The following SNX6 variants were observed in gnomAD, a reference collection of about 807,000 sequenced individuals.
SNX6 encodes the protein sorting nexin 6, also known as sorting nexin-6.
In SNX6, 34 loss-of-function variants were observed where a neutral mutation model predicts 63.0. The ratio of observed to expected loss-of-function variants is 0.54; its 90% CI spans 0.41 to 0.72. The LOEUF is 0.72. Ranked by LOEUF, SNX6 falls within the 30% of genes least tolerant of loss-of-function variation. The probability of loss-of-function intolerance (pLI) is 0.00; values close to 1 mark genes in which losing one functional copy is unlikely to be tolerated. For synonymous variants in SNX6, 170 were observed against 164.2 expected (o/e 1.04, Z -0.27); for missense variants, 398 against 471.4 (o/e 0.84, Z 1.44).
At chr14:34,579,754 G>A (rs1443423951) in intron 10 of SNX6, among the ~76,000 whole-genome samples, 2 of 151,544 alleles carry the variant, frequency 1.3e-5, no homozygotes, top group Non-Finnish European at 2.9e-5. Flanking sequence ...TTGCGAGGCT[G>A]AGGCAGAATG....
chr14:34,571,644 T>C (rs1881458053), intron 11 of SNX6, among the ~76,000 whole-genome samples: 2 of 152,164 alleles, frequency 1.3e-5, no homozygotes, highest in Non-Finnish European at 1.5e-5. Flanking sequence ...AGAGGATTTT[T>C]AGGACAACAA....
At chr14:34,586,825 C>T (rs182600150) in intron 8 of SNX6, among the ~76,000 whole-genome samples, 6 of 151,662 alleles carry the variant, frequency 4.0e-5, no homozygotes, top group South Asian at 2.1e-4. Context: ...CTGGCTAACA[C>T]GGTAAAACCC....
At chr14:34,609,296 C>A (rs568264632) in intron 3 of SNX6, among the ~76,000 whole-genome samples, 1 of 151,158 alleles carries the variant, frequency 6.6e-6, no homozygotes, top group African/African-American at 2.4e-5. Flanking sequence ...ACAGTGAAAC[C>A]CCGTCTCTAC....
At chr14:34,582,500 C>T (rs1881981352) in intron 9 of SNX6, among the ~76,000 whole-genome samples, 1 of 151,980 alleles carries the variant, frequency 6.6e-6, no homozygotes, top group Admixed American at 6.6e-5. Context: ...AGCCAGAGTG[C>T]TGGGCCCCAT....
chr14:34,568,490 A>C (rs1389408883), intron 11 of SNX6, among the ~76,000 whole-genome samples: 1 of 151,678 alleles, frequency 6.6e-6, no homozygotes, highest in Non-Finnish European at 1.5e-5. Context: ...CGGCCTCCCA[A>C]AGTTATTCTA....
intron 2 of SNX6, among the ~76,000 whole-genome samples, chr14:34,614,698 G>A (rs936523748): frequency 1.3e-5 from 2 of 152,088 alleles, no homozygotes; most frequent in Non-Finnish European, 2.9e-5. Flanking sequence ...CAGGAGGATC[G>A]CTTGAGCCCA....
intron 2 of SNX6, among the ~76,000 whole-genome samples, chr14:34,624,381 A>G (rs1043931299): frequency 1.3e-5 from 2 of 152,194 alleles, no homozygotes; most frequent in Admixed American, 6.5e-5. Flanking sequence ...GATTACATGC[A>G]TGAGACACTG....
At chr14:34,625,525 G>A (rs1343324424) in intron 2 of SNX6, among the ~76,000 whole-genome samples, 3 of 152,016 alleles carry the variant, frequency 2.0e-5, no homozygotes, top group Non-Finnish European at 4.4e-5. Context: ...CTGTGGTCAG[G>A]AGTTTGAGAC....
At chr14:34,608,243 T>A in intron 3 of SNX6, 103 bp from the exon 4 acceptor site, 1 of 579,420 alleles carries the variant, frequency 1.7e-6, no homozygotes, top group South Asian at 2.0e-5. Context: ...AGTCGAACAA[T>A]CTCGGCTCAC....
intron 3 of SNX6, among the ~76,000 whole-genome samples, 146 bp downstream of exon 3, chr14:34,609,480 CAAAAAAAAAAAA>C (rs398024759): frequency 3.1e-5 from 2 of 65,028 alleles, no homozygotes. Flanking sequence ...GACTCCGTCT[CAAAAAAAAAAAA>C]AAAAAAAAAA....
chr14:34,624,919 T>C (rs1883768835), intron 2 of SNX6, among the ~76,000 whole-genome samples: 1 of 152,214 alleles, frequency 6.6e-6, no homozygotes, highest in Admixed American at 6.5e-5. Flanking sequence ...TCTGTCAAAA[T>C]TCCCCTTTCT....
intron 6 of SNX6, among the ~76,000 whole-genome samples, chr14:34,598,706 A>G (rs1882694644): frequency 6.6e-6 from 1 of 152,144 alleles, no homozygotes; most frequent in Non-Finnish European, 1.5e-5. Flanking sequence ...TTAACCCCCA[A>G]GGTAATCATA....
intron 11 of SNX6, among the ~76,000 whole-genome samples, chr14:34,573,699 C>T (rs1057411326): frequency 3.3e-5 from 5 of 151,600 alleles, no homozygotes; most frequent in African/African-American, 7.3e-5. Flanking sequence ...AATGCAATGG[C>T]GCGGTCTCGG....
chr14:34,579,813 C>A (rs188060497), intron 10 of SNX6, among the ~76,000 whole-genome samples: 216 of 150,958 alleles, frequency 1.4e-3, no homozygotes, highest in African/African-American at 4.7e-3. Flanking sequence ...CATAGCAAGA[C>A]CCTGTCTCTA....
chr14:34,572,266 C>T (rs536198100), intron 11 of SNX6, among the ~76,000 whole-genome samples: 9 of 152,058 alleles, frequency 5.9e-5, no homozygotes, highest in Non-Finnish European at 8.8e-5. Flanking sequence ...TATCTATTAA[C>T]GACCACATTT....
chr14:34,564,867 A>G (rs966942895), intron 13 of SNX6, among the ~76,000 whole-genome samples: 3 of 151,740 alleles, frequency 2.0e-5, no homozygotes, highest in Non-Finnish European at 4.4e-5. Context: ...GAAACTGGAC[A>G]CTGACATCAA....
intron 2 of SNX6, among the ~76,000 whole-genome samples, chr14:34,610,718 T>C (rs1883195946): frequency 6.6e-6 from 1 of 152,144 alleles, no homozygotes; most frequent in South Asian, 2.1e-4. Context: ...TTAAACTTCA[T>C]CTGTTTTTCT....
rs935452730 is a variant in SNX6 at position 34,623,757 on chromosome 14, G to A, written c.54+6150C>T. On this transcript the variant is annotated intron_variant, in intron 2 of 13. Coordinates refer to ENST00000362031, the MANE Select transcript of SNX6 (RefSeq NM_152233.4). ...AAAGTGATGCTATTAATGAAGATAA[G>A]GAATACAAAGGTAGGAGCAAGGCTA... is the stretch of plus-strand genomic sequence containing the variant. Among the ~76,000 whole-genome samples the A allele has an allele frequency of 4.6e-5, 7 of 152,118 alleles. No homozygotes were observed. In the East Asian group the frequency reaches 1.3e-3, roughly 29 times the overall value.
At chr14:34,610,172 T>C (rs965803137) in intron 2 of SNX6, among the ~76,000 whole-genome samples, 5 of 150,106 alleles carry the variant, frequency 3.3e-5, no homozygotes, top group Non-Finnish European at 7.4e-5. Flanking sequence ...AACAAGACCC[T>C]GTCTCTACAG....
Sources: gnomAD v4.1 joint callset for allele counts (sites outside exome capture counted in the v4.1 genomes callset) on GRCh38, gnomAD v4.1.1 for gene constraint, MANE v1.5 for transcripts, NCBI Gene and HGNC (gene_info 2026-07-23, HGNC 2026-07-21) for gene names.